PKD1L3: variants seen among roughly 807,000 people sequenced by gnomAD.
PKD1L3 encodes polycystin-1-like protein 3.
A neutral mutation model predicts 184.1 loss-of-function variants in PKD1L3; 239 were observed. The observed-to-expected ratio is 1.30, with a 90% CI of 1.17 to 1.45. PKD1L3 has a LOEUF of 1.45. Among genes scored for constraint, PKD1L3 ranks in the 40% most tolerant of loss-of-function variants. The pLI, the probability that PKD1L3 is intolerant of heterozygous loss-of-function variation, is 0.00. For synonymous variants in PKD1L3, 996 were observed against 778.8 expected (o/e 1.28, Z -4.64); for missense variants, 2,660 against 2,067.2 (o/e 1.29, Z -5.56).
chr16:71,933,075 C>T (rs2038044307), intron 28 of PKD1L3, among the ~76,000 whole-genome samples: 1 of 152,076 alleles, frequency 6.6e-6, no homozygotes. Flanking sequence ...CTTACCCTAC[C>T]CTGTTAATGC....
intron 9 of PKD1L3, among the ~76,000 whole-genome samples, chr16:71,979,476 C>T (rs7405104): frequency 1.6e-4 from 25 of 151,890 alleles, no homozygotes; most frequent in South Asian, 1.5e-3. Context: ...CAAGACAAAA[C>T]AAAACAAAAC....
intron 28 of PKD1L3, among the ~76,000 whole-genome samples, chr16:71,931,440 T>G (rs2037960106): frequency 6.6e-6 from 1 of 151,634 alleles, no homozygotes; most frequent in African/African-American, 2.4e-5. Context: ...TCCCTAAAGG[T>G]TAAGAAAGTG....
At position 71,993,209 on chromosome 16, in the gene PKD1L3, G is replaced by A. The variant is rs1371360383; in HGVS notation, c.535+7C>T. The A allele has an allele frequency of 7.9e-6, 12 of 1,525,124 alleles. No individual in the cohort carries two copies. In the East Asian group the frequency reaches 9.8e-5, roughly 13 times the overall value. 94.5% of individuals were successfully genotyped at this position (1,525,124 alleles called of 1,614,324 possible). Reference sequence around the variant, plus strand: ...TTTTTAAGGTTACTAGAGGAGTAACGCATTACCTGGGGGCATTTTGTCTCT... The same window carrying A: ...TTTTTAAGGTTACTAGAGGAGTAACACATTACCTGGGGGCATTTTGTCTCT... On this transcript the variant is annotated splice_region_variant and intron_variant, in intron 3 of 29. Coordinates refer to ENST00000620267, the MANE Select transcript of PKD1L3 (RefSeq NM_181536.2).
At position 71,947,502 on chromosome 16, in the gene PKD1L3, C is replaced by T; in HGVS notation, c.3708G>A (p.Leu1236=). The change falls in exon 22 of 30, where the codon TTG becomes TTA. Residue 1236 remains leucine (L), a synonymous_variant. Coordinates refer to ENST00000620267, the MANE Select transcript of PKD1L3 (RefSeq NM_181536.2). The part of the protein sequence containing the change: ...KENEQQTKRI[L]ALLAKCSSSV... ...AACTACTTGAGTTACCCAAGAGTGCCAAGATCCTCTTTGTTTGTTGTTCAT... is the reference window on the plus strand; with the variant it reads ...AACTACTTGAGTTACCCAAGAGTGCTAAGATCCTCTTTGTTTGTTGTTCAT... 1 of 1,526,134 alleles carries T rather than the reference C, an allele frequency of 6.6e-7. No individual in the cohort carries two copies. Among genetic ancestry groups the T allele is most frequent in the South Asian group, 1.2e-5 (1 of 83,556 alleles). The allele number at this position is 1,526,134 out of a possible 1,614,324, so 94.5% of individuals were successfully genotyped here.
intron 25 of PKD1L3, among the ~76,000 whole-genome samples, chr16:71,936,743 A>G (rs2038194367): frequency 2.0e-5 from 3 of 152,020 alleles, no homozygotes; most frequent in Non-Finnish European, 4.4e-5. Context: ...TCGGCCTCCT[A>G]AAGTGCTTGA....
At position 71,963,274 on chromosome 16, in the gene PKD1L3, A is replaced by G; in HGVS notation, c.2543T>C (p.Val848Ala). The G allele has an allele frequency of 1.3e-6, 2 of 1,551,640 alleles. No individual in the cohort carries two copies. The highest frequency in any genetic ancestry group is 8.7e-7 in the Non-Finnish European group (1 of 1,146,918). ...WHFLCNCWLA[V>A]DLGDCELDRV... Reference sequence around the variant, plus strand: ...GTCAAGCTCACAGTCTCCGAGGTCCACAGCCAGCCAGCAATTGCACAGGAA... The same window carrying G: ...GTCAAGCTCACAGTCTCCGAGGTCCGCAGCCAGCCAGCAATTGCACAGGAA... Residue 848 changes from valine to alanine, a missense_variant, in exon 16 of 30, where the codon GTG becomes GCG. By Grantham distance (64) the Val-to-Ala change is moderately conservative (BLOSUM62 0). Transcript: ENST00000620267.
intron 23 of PKD1L3, among the ~76,000 whole-genome samples, chr16:71,943,356 G>A (rs1043543919): frequency 1.3e-5 from 2 of 151,804 alleles, no homozygotes; most frequent in Non-Finnish European, 2.9e-5. Flanking sequence ...GACCAACATA[G>A]TAAAACCCCC....
chr16:71,934,111 T>G lies in PKD1L3; in HGVS notation c.4628A>C (p.Tyr1543Ser). The G allele has an allele frequency of 1.3e-6, 2 of 1,551,864 alleles. No homozygotes were observed. Among genetic ancestry groups the G allele is most frequent in the Non-Finnish European group, 1.7e-6 (2 of 1,147,034 alleles). ...AGCAGAGTTCACTTTTACTGCCTCA[T>G]AGAAGCTGATGAATCTGCACCAAGG... ...RDDQDRFISF[Y>S]EAVKVNSAAT... Residue 1543 changes from tyrosine to serine, a missense_variant, in exon 27 of 30, where the codon TAT (tyrosine) becomes TCT (serine). By Grantham distance (144) the Tyr-to-Ser change is moderately radical. Transcript: ENST00000620267.
intron 28 of PKD1L3, among the ~76,000 whole-genome samples, chr16:71,931,687 C>T (rs1267162442): frequency 6.6e-6 from 1 of 151,992 alleles, no homozygotes. Context: ...TGGTCTTGAA[C>T]TCCTGACCTC....
At chr16:71,936,654 A>C (rs2038191394) in intron 25 of PKD1L3, among the ~76,000 whole-genome samples, 2 of 149,186 alleles carry the variant, frequency 1.3e-5, no homozygotes, top group South Asian at 2.1e-4. Context: ...CGCCCGGCTA[A>C]ATTTGTATTT....
At chr16:71,947,691 A>G in intron 21 of PKD1L3, 100 bp from the exon 22 acceptor site, 2 of 738,520 alleles carry the variant, frequency 2.7e-6, no homozygotes, top group East Asian at 5.6e-5. Flanking sequence ...AAAAACTTCA[A>G]TTATTTGGCT....
intron 15 of PKD1L3, among the ~76,000 whole-genome samples, chr16:71,964,492 C>T (rs1356007875): frequency 4.6e-5 from 7 of 150,956 alleles, no homozygotes; most frequent in Admixed American, 6.6e-5. Context: ...GAAGGAGCCA[C>T]CACGCCCGGC....
At chr16:71,997,902 C>T (rs1478469397) in intron 2 of PKD1L3, among the ~76,000 whole-genome samples, 1 of 152,218 alleles carries the variant, frequency 6.6e-6, no homozygotes, top group African/African-American at 2.4e-5. Context: ...GACTTCTCAT[C>T]TTCCTCTGCC....
chr16:71,962,847 T>C (rs1217606364), intron 16 of PKD1L3, among the ~76,000 whole-genome samples: 3 of 152,202 alleles, frequency 2.0e-5, no homozygotes, highest in South Asian at 2.1e-4. Flanking sequence ...TATTTTTATA[T>C]TTTGTTCTCA....
chr16:71,971,286 C>A (rs2039699149), intron 12 of PKD1L3, among the ~76,000 whole-genome samples: 1 of 152,110 alleles, frequency 6.6e-6, no homozygotes, highest in Non-Finnish European at 1.5e-5. Context: ...TTTTATTATT[C>A]TTTATGGCTT....
chr16:71,950,971 G>T, intron 19 of PKD1L3, among the ~76,000 whole-genome samples: 1 of 149,964 alleles, frequency 6.7e-6, no homozygotes, highest in Admixed American at 6.7e-5. Flanking sequence ...TTGAACTTCT[G>T]ACCTCAGGTG....
intron 19 of PKD1L3, 48 bp from the exon 20 acceptor site, chr16:71,950,358 G>C: frequency 7.0e-7 from 1 of 1,427,782 alleles, no homozygotes; most frequent in Non-Finnish European, 9.5e-7. Flanking sequence ...ATTTCAATAA[G>C]AAGCAATTAG....
intron 27 of PKD1L3, 59 bp downstream of exon 27, chr16:71,933,856 C>T (rs762326723): frequency 7.9e-6 from 12 of 1,516,328 alleles, no homozygotes; most frequent in African/African-American, 2.8e-5. Context: ...CTATGGGAAG[C>T]GATGCGATTC....
At chr16:71,979,702 T>C (rs2040073549) in intron 9 of PKD1L3, 84 bp downstream of exon 9, 2 of 1,419,536 alleles carry the variant, frequency 1.4e-6, no homozygotes, top group Non-Finnish European at 1.9e-6. Flanking sequence ...CAGTTTACAT[T>C]TCATGATACA....
Sources: gnomAD v4.1 joint callset for allele counts (sites outside exome capture counted in the v4.1 genomes callset) on GRCh38, gnomAD v4.1.1 for gene constraint, MANE v1.5 for transcripts, NCBI Gene and HGNC (gene_info 2026-07-23, HGNC 2026-07-21) for gene names.